The following CTBP2 variants were observed in gnomAD, a reference collection of about 807,000 sequenced individuals.
The protein encoded by CTBP2 is C-terminal binding protein 2, also known as C-terminal-binding protein 2.
Under a neutral mutation model 80.3 loss-of-function variants are expected in CTBP2, and 30 were observed. That is an observed-to-expected ratio of 0.37 (90% CI 0.28 to 0.51). CTBP2 has a LOEUF of 0.51. CTBP2 is among the 20% of genes least tolerant of loss of function. The probability of loss-of-function intolerance (pLI) is 0.93; values close to 1 mark genes in which losing one functional copy is unlikely to be tolerated. For missense variants in CTBP2, 1,212 were observed against 1,375.3 expected (o/e 0.88, Z 1.88); for synonymous variants, 594 against 587.4 (o/e 1.01, Z -0.16).
intron 4 of CTBP2, chr10:124,997,138 T>C (rs1953723376): frequency 6.6e-6 from 1 of 152,242 alleles, no homozygotes; most frequent in African/African-American, 2.4e-5. Flanking sequence ...AGAACATTAC[T>C]GGCCCCGTGT....
At chr10:125,077,788 G>A (rs551629525) in intron 2 of CTBP2, among the ~76,000 whole-genome samples, 16 of 152,252 alleles carry the variant, frequency 1.1e-4, no homozygotes, top group Non-Finnish European at 1.6e-4. Context: ...TCTGCCTCCC[G>A]TGTTCAACCT....
intron 2 of CTBP2, among the ~76,000 whole-genome samples, chr10:125,076,587 AGC>A (rs1846304723): frequency 1.3e-5 from 2 of 152,162 alleles, no homozygotes; most frequent in Non-Finnish European, 2.9e-5. Context: ...CTTGAGAGGC[AGC>A]GCGCCTCTCC....
At chr10:125,118,700 C>G (rs1201663920) in intron 1 of CTBP2, among the ~76,000 whole-genome samples, 4 of 46,224 alleles carry the variant, frequency 8.7e-5, no homozygotes, top group Non-Finnish European at 1.6e-4. Flanking sequence ...TGAAAGAGAC[C>G]AGTGCAGTGG....
chr10:125,087,075 CTTT>C (rs564770474), intron 2 of CTBP2, among the ~76,000 whole-genome samples: 14 of 136,508 alleles, frequency 1.0e-4, no homozygotes, highest in African/African-American at 2.2e-4. Flanking sequence ...CAATTTCTTT[CTTT>C]TTTTTTTTTT....
At position 125,026,927 on chromosome 10, in the gene CTBP2, G is replaced by T. The variant is rs1200691274; in HGVS notation, c.833C>A (p.Ser278Tyr). The T allele has an allele frequency of 1.2e-6, 2 of 1,614,072 alleles. No homozygotes were observed. Among genetic ancestry groups the T allele is most frequent in the Admixed American group, 1.7e-5 (1 of 60,036 alleles). The change falls in exon 1 of 9, where the codon TCC becomes TAC. Residue 278 changes from serine (S) to tyrosine (Y), a missense_variant. Transcript: ENST00000309035. ...CTTGCCACCAGGACCCTGGAAGGTG[G>T]ACAGGTCAGCTTCGTAAGTCTCGTA...
rs370613708 is a variant in CTBP2, at chr10:125,113,678, T to C, written c.-205-2585A>G. ...TATAACATTACTTGTTTTTGAACAA[T>C]GTCTGAAGACAAACGTAGCAACATG... On this transcript the variant is annotated intron_variant, in intron 1 of 10. Coordinates refer to the CTBP2 transcript ENST00000337195. Among the ~76,000 whole-genome samples the C allele has an allele frequency of 9.8e-4, 150 of 152,366 alleles. No individual in the cohort carries two copies. In the Middle Eastern group the frequency reaches 0.02, roughly 21 times the overall value.
Position 125,026,469 on chromosome 10 carries a change from G to A in CTBP2, c.1291C>T (p.Pro431Ser), listed in dbSNP as rs1230112288. 1 of 1,600,468 alleles carries A rather than the reference G, an allele frequency of 6.2e-7. No homozygotes were observed. Among genetic ancestry groups the A allele is most frequent in the Non-Finnish European group, 8.5e-7 (1 of 1,170,692 alleles). Residue 431 changes from proline to serine, a missense_variant, in exon 1 of 9, where the codon CCA (proline) becomes TCA (serine). Physicochemically the swap from Pro to Ser is moderately conservative, Grantham distance 74 (BLOSUM62 -1). Coordinates refer to ENST00000309035, the MANE Select transcript of CTBP2 (RefSeq NM_022802.3). ...TACCCGGAGTTGGAGGGGAAGTGTGGGGCATGGGTGCCCACGCCAGGGGCA... is the reference window on the plus strand; with the variant it reads ...TACCCGGAGTTGGAGGGGAAGTGTGAGGCATGGGTGCCCACGCCAGGGGCA...
chr10:125,136,823 G>A (rs527636553), intron 1 of CTBP2, among the ~76,000 whole-genome samples: 9 of 152,314 alleles, frequency 5.9e-5, no homozygotes, highest in Middle Eastern at 6.8e-3. Context: ...ACTAGCACAG[G>A]GACATCTAGG....
At chr10:125,035,449 A>G (rs1471552069) in intron 3 of CTBP2, among the ~76,000 whole-genome samples, 1 of 152,214 alleles carries the variant, frequency 6.6e-6, no homozygotes, top group Admixed American at 6.5e-5. Flanking sequence ...TCGGGGGACC[A>G]TTTTCCACGT....
intron 2 of CTBP2, among the ~76,000 whole-genome samples, chr10:125,087,873 C>G (rs1848227443): frequency 6.6e-6 from 1 of 152,222 alleles, no homozygotes; most frequent in African/African-American, 2.4e-5. Context: ...CCTTGTCTCC[C>G]AACCCAGTTC....
At position 124,984,658 on chromosome 10, in the gene CTBP2, G is replaced by T; in HGVS notation, c.*4860C>A. 9.9e-7 allele frequency: 1 copy of T among 1,006,874 alleles called. No individual in the cohort carries two copies. Among genetic ancestry groups the T allele is most frequent in the South Asian group, 1.8e-5 (1 of 55,990 alleles). 62.4% of individuals were successfully genotyped at this position (1,006,874 alleles called of 1,614,324 possible). On this transcript the variant is annotated 3_prime_UTR_variant, in exon 9 of 9. Transcript: ENST00000309035. ...AGAGGTCAAAACCATGTGAAAAGTT[G>T]ATTGCTTTGGCCTTTTCATGAGTTA...
chr10:125,159,129 C>T (rs888489653), intron 1 of CTBP2, among the ~76,000 whole-genome samples: 2 of 150,710 alleles, frequency 1.3e-5, no homozygotes, highest in Non-Finnish European at 3.0e-5. Flanking sequence ...AAAGGCGCTT[C>T]CCCTCGGCCG....
intron 3 of CTBP2, 148 bp downstream of exon 5, chr10:125,002,812 T>G (rs1232999424): frequency 2.6e-5 from 24 of 923,448 alleles, no homozygotes; most frequent in Non-Finnish European, 3.7e-5. Context: ...CGCAAGGTGC[T>G]CCACAGCCCG....
At chr10:125,043,620 T>TAA (rs146160781) in intron 2 of CTBP2, among the ~76,000 whole-genome samples, 2,828 of 152,210 alleles carry the variant, frequency 0.019, 94 homozygotes, top group African/African-American at 0.065. Flanking sequence ...GTACTTTTAG[T>TAA]AGAGACTGGG....
intron 3 of CTBP2, 136 bp downstream of exon 3, chr10:125,038,861 C>T (rs982363659): frequency 3.6e-6 from 3 of 828,110 alleles, no homozygotes; most frequent in Non-Finnish European, 5.8e-6. Context: ...GCAGAGGGTG[C>T]CAATGGTATG....
At chr10:125,016,338 C>T (rs547618522) in intron 1 of CTBP2, among the ~76,000 whole-genome samples, 45 of 152,366 alleles carry the variant, frequency 3.0e-4, no homozygotes, top group East Asian at 7.7e-4. Flanking sequence ...CCATGAGTGC[C>T]GGGACCAGGA....
intron 1 of CTBP2, among the ~76,000 whole-genome samples, chr10:125,146,697 C>T (rs531100451): frequency 2.4e-4 from 37 of 152,244 alleles, no homozygotes; most frequent in African/African-American, 8.7e-4. Context: ...CCTTCCTTAC[C>T]CCACCTTGCC....
At chr10:125,092,199 T>TTTTTTTTTTTTTTA (rs1848869170) in intron 2 of CTBP2, among the ~76,000 whole-genome samples, 1 of 123,192 alleles carries the variant, frequency 8.1e-6, no homozygotes, top group African/African-American at 3.3e-5. Context: ...TTTTTTTTTT[T>TTTTTTTTTTTTTTA]GAGATGAAGT....
chr10:125,038,514 C>T (rs1157514855), intron 3 of CTBP2, among the ~76,000 whole-genome samples: 2 of 152,158 alleles, frequency 1.3e-5, no homozygotes, highest in Non-Finnish European at 2.9e-5. Context: ...TTTATTTTTC[C>T]TTTCATGAAC....
Sources: gnomAD v4.1 joint callset for allele counts (sites outside exome capture counted in the v4.1 genomes callset) on GRCh38, gnomAD v4.1.1 for gene constraint, MANE v1.5 for transcripts, NCBI Gene and HGNC (gene_info 2026-07-23, HGNC 2026-07-21) for gene names.